The following MASP1 variants were observed in gnomAD, a reference collection of about 807,000 sequenced individuals.
MASP1 encodes mannan-binding lectin serine protease 1.
A neutral mutation model predicts 77.1 loss-of-function variants in MASP1; 59 were observed. The ratio of observed to expected loss-of-function variants is 0.77; its 90% CI spans 0.62 to 0.95. MASP1 has a LOEUF of 0.95. MASP1 is among the 40% of genes least tolerant of loss of function. The pLI is 0.00. For missense variants in MASP1, 885 were observed against 912.9 expected, an observed-to-expected ratio of 0.97 and a Z score of 0.39; for synonymous variants, 362 against 354.5, an observed-to-expected ratio of 1.02 and a Z score of -0.24.
intron 2 of MASP1, among the ~76,000 whole-genome samples, chr3:187,284,190 C>T (rs764005740): frequency 6.6e-6 from 1 of 152,122 alleles, no homozygotes; most frequent in African/African-American, 2.4e-5. Flanking sequence ...TGTGCAATGG[C>T]TATTTTCAAG....
At chr3:187,231,218 T>C (rs897800115), downstream of MASP1, among the ~76,000 whole-genome samples, 12 of 152,254 alleles carry the variant, frequency 7.9e-5, no homozygotes, top group Non-Finnish European at 1.5e-4. Flanking sequence ...ACTCTGGATC[T>C]CTTAACTTTT....
intron 2 of MASP1, among the ~76,000 whole-genome samples, chr3:187,285,589 G>A (rs1322147592): frequency 6.6e-6 from 1 of 151,966 alleles, no homozygotes; most frequent in Non-Finnish European, 1.5e-5. Context: ...GAAGAAAGAA[G>A]GGATGTTGTG....
At chr3:187,247,327 C>A in intron 8 of MASP1, 1 of 1,613,954 alleles carries the variant, frequency 6.2e-7, no homozygotes, top group Non-Finnish European at 8.5e-7. Flanking sequence ...TGTGGGGTCC[C>A]GTCATTCACT....
chr3:187,247,285 T>C, intron 8 of MASP1: 1 of 1,613,986 alleles, frequency 6.2e-7, no homozygotes, highest in Non-Finnish European at 8.5e-7. Flanking sequence ...CCAGGGGTCT[T>C]GGGAGTGATC....
At chr3:187,243,320 ATGAAAAG>A in intron 9 of MASP1, 157 bp downstream of exon 9, 1 of 747,326 alleles carries the variant, frequency 1.3e-6, no homozygotes, top group Non-Finnish European at 2.4e-6. Flanking sequence ...ACACAAGCTC[ATGAAAAG>A]TGAGAACCTG....
At chr3:187,276,830 C>T (rs1717005548) in intron 2 of MASP1, 1 of 152,184 alleles carries the variant, frequency 6.6e-6, no homozygotes, top group Admixed American at 6.5e-5. Flanking sequence ...TTACCCATTT[C>T]TCATTTCCTT....
At chr3:187,288,783 CT>C (rs2108616504) in intron 1 of MASP1, among the ~76,000 whole-genome samples, 1 of 152,336 alleles carries the variant, frequency 6.6e-6, no homozygotes, top group South Asian at 2.1e-4. Context: ...GAGGCCGGTT[CT>C]GTCAAGGACT....
chr3:187,277,866 G>A (rs1014788604), intron 2 of MASP1, among the ~76,000 whole-genome samples: 4 of 152,160 alleles, frequency 2.6e-5, no homozygotes, highest in Admixed American at 2.0e-4. Context: ...TCCTGCTTTC[G>A]AATAGTGCTT....
intron 9 of MASP1, chr3:187,242,544 G>C (rs1016294271): frequency 6.6e-6 from 1 of 152,612 alleles, no homozygotes; most frequent in Non-Finnish European, 1.5e-5. Flanking sequence ...AGGAGTTGGA[G>C]GCTTAGATGA....
Position 187,235,050 on chromosome 3 carries a change from G to A in MASP1, c.*634C>T, listed in dbSNP as rs72549260. On this transcript the variant is annotated 3_prime_UTR_variant, in exon 11 of 11. Coordinates refer to ENST00000296280, the MANE Select transcript of MASP1 (RefSeq NM_139125.4). ...CCATGTCTTTTGAAATTCCTTTAAT[G>A]GGGAACATAAGGGATAAGGCTTAGA... 1,251 of 1,287,236 alleles carry A rather than the reference G, an allele frequency of 9.7e-4. 6 individuals carry two copies. The African/African-American group carries it at 0.017, about 18-fold the overall frequency. The allele number at this position is 1,287,236 out of a possible 1,614,324, so 79.7% of individuals were successfully genotyped here.
chr3:187,249,625 C>T (rs1349920928), intron 8 of MASP1, among the ~76,000 whole-genome samples: 1 of 152,194 alleles, frequency 6.6e-6, no homozygotes, highest in Non-Finnish European at 1.5e-5. Context: ...TTTAAAACCA[C>T]TGGCACATAT....
At chr3:187,257,687 C>T (rs1374602409) in intron 4 of MASP1, among the ~76,000 whole-genome samples, 2 of 152,132 alleles carry the variant, frequency 1.3e-5, no homozygotes, top group Non-Finnish European at 2.9e-5. Context: ...GCCCGGCCTC[C>T]TTACATATTT....
intron 13 of MASP1, among the ~76,000 whole-genome samples, chr3:187,223,992 A>T (rs868089944): frequency 6.6e-6 from 1 of 152,242 alleles, no homozygotes; most frequent in East Asian, 1.9e-4. Context: ...AACATAAAGC[A>T]CCTGGTGGGC....
In MASP1 at chr3:187,243,559, T is replaced by A. The variant is rs867014225; in HGVS notation, c.1153A>T (p.Asn385Tyr). The A allele has an allele frequency of 1.1e-5, 17 of 1,614,056 alleles. No homozygotes were observed. The highest frequency in any genetic ancestry group is 1.4e-5 in the Non-Finnish European group (16 of 1,180,028). ...ATCTCAGACTTGTATGTGGTGAGGTTGTTCCTTGTAGAGAAGGTGATCAGC... is the reference window on the plus strand; with the variant it reads ...ATCTCAGACTTGTATGTGGTGAGGTAGTTCCTTGTAGAGAAGGTGATCAGC... ...HGLITFSTRN[N>Y]LTTYKSEIKY... The change falls in exon 9 of 11, where the codon AAC (asparagine) becomes TAC (tyrosine). Residue 385 changes from asparagine to tyrosine, a missense_variant. Coordinates refer to ENST00000296280, the MANE Select transcript of MASP1 (RefSeq NM_139125.4).
At chr3:187,226,500 C>A in exon 12 of MASP1, 3 of 1,611,150 alleles carry the variant, frequency 1.9e-6, no homozygotes, top group Non-Finnish European at 1.7e-6. Flanking sequence ...CAGTGTGCGG[C>A]GGTCACGATC....
At chr3:187,243,157 G>T in intron 9 of MASP1, 1 of 360,384 alleles carries the variant, frequency 2.8e-6, no homozygotes, top group Non-Finnish European at 5.3e-6. Context: ...TTCCTTTAGG[G>T]TCTCGTTTCT....
At chr3:187,226,519 G>T in exon 12 of MASP1, 1 of 1,604,342 alleles carries the variant, frequency 6.2e-7, no homozygotes. Context: ...TCCAGCTGGA[G>T]CCTGGGGAAC....
At chr3:187,247,065 C>T (rs988566201) in intron 8 of MASP1, 6 of 1,374,360 alleles carry the variant, frequency 4.4e-6, no homozygotes, top group African/African-American at 2.9e-5. Flanking sequence ...GTACAGTCCA[C>T]TCAGAGGTGC....
At chr3:187,227,746 G>A (rs1712520531) in intron 11 of MASP1, among the ~76,000 whole-genome samples, 1 of 152,192 alleles carries the variant, frequency 6.6e-6, no homozygotes, top group Non-Finnish European at 1.5e-5. Flanking sequence ...CAGGTGGGCT[G>A]AGGTACCCAG....
Sources: allele counts gnomAD v4.1 joint callset (sites outside exome capture counted in the v4.1 genomes callset), GRCh38; gene constraint gnomAD v4.1.1; transcripts MANE v1.5; gene names NCBI Gene and HGNC (gene_info 2026-07-23, HGNC 2026-07-21).